Variants in PPP4R1 observed in about 807,000 individuals in gnomAD.
PPP4R1 encodes the protein serine/threonine-protein phosphatase 4 regulatory subunit 1.
Under a neutral mutation model 111.2 loss-of-function variants are expected in PPP4R1, and 42 were observed. The ratio of observed to expected loss-of-function variants is 0.38; its 90% CI spans 0.29 to 0.49. The LOEUF is 0.49. Ranked by LOEUF, PPP4R1 falls within the 20% of genes least tolerant of loss-of-function variation. PPP4R1 has a pLI of 0.97. For synonymous variants in PPP4R1, 409 were observed against 405.5 expected (o/e 1.01, Z -0.10); for missense variants, 1,012 against 1,161.6 (o/e 0.87, Z 1.87).
In PPP4R1 at chr18:9,547,664, C is replaced by T; in HGVS notation, c.*125G>A. On this transcript the variant is annotated 3_prime_UTR_variant, in exon 20 of 20. Coordinates refer to ENST00000400556, the MANE Select transcript of PPP4R1 (RefSeq NM_001042388.3). ...ATTGGGTGTAGGCAACTTGCACCTG[C>T]AATGAAGTCCGCAGGAGAGGAAGGT... 1 of 1,207,582 alleles carries T rather than the reference C, an allele frequency of 8.3e-7. No individual in the cohort carries two copies. The highest frequency in any genetic ancestry group is 2.3e-5 in the East Asian group (1 of 42,592). 74.8% of individuals were successfully genotyped at this position (1,207,582 alleles called of 1,614,324 possible).
At chr18:9,595,180 T>G in intron 2 of PPP4R1, 27 bp from the exon 3 acceptor site, 2 of 1,605,752 alleles carry the variant, frequency 1.2e-6, no homozygotes, top group Non-Finnish European at 1.7e-6. Context: ...AAATACTCCT[T>G]ATAACACTTT....
chr18:9,547,414 T>C lies in PPP4R1; in HGVS notation c.*375A>G, dbSNP rs1453168850. On this transcript the variant is annotated 3_prime_UTR_variant, in exon 20 of 20. Transcript: ENST00000400556. ...GCCTTCAGGCTGTAAGAATTTCATT[T>C]GTCGATTGTTAAATAAAACCAGGAG... The C allele has an allele frequency of 5.5e-6, 1 of 181,152 alleles. No individual in the cohort carries two copies. Among genetic ancestry groups the C allele is most frequent in the Non-Finnish European group, 1.2e-5 (1 of 84,368 alleles). The allele number at this position is 181,152 out of a possible 1,614,324, so 11.2% of individuals were successfully genotyped here. A position where few individuals can be genotyped will look rare whatever the true frequency, so the allele number is the denominator to read the frequency against.
At position 9,577,133 on chromosome 18, in the gene PPP4R1, G is replaced by A. The variant is rs1043088965; in HGVS notation, c.977C>T (p.Ser326Phe). Residue 326 changes from serine to phenylalanine, a missense_variant, in exon 10 of 20, where the codon TCT becomes TTT. Around this residue, in one of 2 missense-constraint regions of PPP4R1, gnomAD observed 707 missense variants for 742.1 expected, o/e 0.95. Coordinates refer to ENST00000400556, the MANE Select transcript of PPP4R1 (RefSeq NM_001042388.3). The part of the protein sequence containing the change: ...GPFISTFANP[S>F]SSGQYFKEES... ...TTCTTTAAAATACTGGCCTGAGCTAGATGGATTAGCAAAAGTAGATATGAA... is the reference window on the plus strand; with the variant it reads ...TTCTTTAAAATACTGGCCTGAGCTAAATGGATTAGCAAAAGTAGATATGAA... 1.2e-6 allele frequency: 2 copies of A among 1,607,928 alleles called. No individual in the cohort carries two copies. Among genetic ancestry groups the A allele is most frequent in the African/African-American group, 1.3e-5 (1 of 74,672 alleles).
At chr18:9,578,262 C>A (rs976301536) in intron 9 of PPP4R1, among the ~76,000 whole-genome samples, 5 of 152,128 alleles carry the variant, frequency 3.3e-5, no homozygotes, top group Admixed American at 3.3e-4. Context: ...TTTGAGACAG[C>A]TCTTGCTCTG....
intron 2 of PPP4R1, among the ~76,000 whole-genome samples, chr18:9,597,985 G>C (rs955028965): frequency 6.6e-6 from 1 of 152,066 alleles, no homozygotes; most frequent in Non-Finnish European, 1.5e-5. Flanking sequence ...AACAGAGATG[G>C]AAGATGATAC....
intron 9 of PPP4R1, among the ~76,000 whole-genome samples, chr18:9,579,646 G>C (rs1407970484): frequency 1.3e-5 from 2 of 152,046 alleles, no homozygotes; most frequent in African/African-American, 4.8e-5. Context: ...ACTACACATT[G>C]AAAACATTGT....
Position 9,614,233 on chromosome 18 carries a change from T to TGCGTCCTCCTGC in PPP4R1, c.33_44dup (p.Gln12_Ala15dup). On this transcript the variant is annotated inframe_insertion, in exon 2 of 20. Coordinates refer to ENST00000400556, the MANE Select transcript of PPP4R1 (RefSeq NM_001042388.3). The surrounding 1 kb of genome is among the most constrained non-coding windows in gnomAD (Gnocchi z 4.1). ...CGAGGCCGGGCCACTCACATCCGTC[T>TGCGTCCTCCTGC]GCGTCCTCCTGCAGGTCCTCCTGAA... The TGCGTCCTCCTGC allele has an allele frequency of 7.3e-7, 1 of 1,361,096 alleles. No individual in the cohort carries two copies. Among genetic ancestry groups the TGCGTCCTCCTGC allele is most frequent in the Non-Finnish European group, 9.6e-7 (1 of 1,043,962 alleles). 84.3% of individuals were successfully genotyped at this position (1,361,096 alleles called of 1,614,324 possible). A position where few individuals can be genotyped will look rare whatever the true frequency, so the allele number is the denominator to read the frequency against.
At chr18:9,611,042 T>C (rs1386234764) in intron 2 of PPP4R1, among the ~76,000 whole-genome samples, 1 of 152,154 alleles carries the variant, frequency 6.6e-6, no homozygotes, top group Non-Finnish European at 1.5e-5. Flanking sequence ...CTGAGACTCT[T>C]AGCAATGTCT....
chr18:9,585,399 T>C (rs1167524525), intron 6 of PPP4R1, among the ~76,000 whole-genome samples: 1 of 152,202 alleles, frequency 6.6e-6, no homozygotes, highest in African/African-American at 2.4e-5. Context: ...TATAGGCATG[T>C]TTCAGTTAAC....
intron 12 of PPP4R1, 26 bp from the exon 13 acceptor site, chr18:9,562,101 A>T (rs761561129): frequency 6.5e-7 from 1 of 1,531,172 alleles, no homozygotes; most frequent in Non-Finnish European, 9.0e-7. Flanking sequence ...AACTACTTAA[A>T]GAGCTGTCCT....
At chr18:9,565,280 C>G (rs758708416) in intron 11 of PPP4R1, among the ~76,000 whole-genome samples, 1 of 152,174 alleles carries the variant, frequency 6.6e-6, no homozygotes, top group Non-Finnish European at 1.5e-5. Flanking sequence ...TGTGTTCTTA[C>G]AGCTCTACCG....
chr18:9,593,386 G>C (rs1181771498), intron 4 of PPP4R1, among the ~76,000 whole-genome samples: 2 of 151,830 alleles, frequency 1.3e-5, no homozygotes, highest in East Asian at 1.9e-4. Context: ...ACATTTTTTT[G>C]CAAGTGAGAA....
chr18:9,571,721 T>C (rs770061809), intron 10 of PPP4R1, among the ~76,000 whole-genome samples: 90 of 152,166 alleles, frequency 5.9e-4, no homozygotes, highest in Middle Eastern at 3.4e-3. Context: ...AAACAGGACA[T>C]GCAAAGGCCG....
Position 9,577,533 on chromosome 18 carries a change from C to T in PPP4R1, c.919-342G>A, listed in dbSNP as rs545053766. 8.1e-4 allele frequency among the ~76,000 whole-genome samples: 124 copies of T among 152,188 alleles called. 1 individual carries two copies. Among genetic ancestry groups the T allele is most frequent in the African/African-American group, 2.9e-3 (122 of 41,530 alleles). ...TACCAAAGTTAGCAGGGCGTGGTGG[C>T]GCATGCCTGTGGTCCCAGCTACTCG... On this transcript the variant is annotated intron_variant, in intron 9 of 19. Coordinates refer to ENST00000400556, the MANE Select transcript of PPP4R1 (RefSeq NM_001042388.3).
At chr18:9,563,118 C>G in intron 12 of PPP4R1, 1 of 1,163,952 alleles carries the variant, frequency 8.6e-7, no homozygotes, top group South Asian at 3.0e-5. Flanking sequence ...TATTTCACTG[C>G]AGTGAGCTAC....
At chr18:9,616,413 G>A (rs1302984976), upstream of PPP4R1, among the ~76,000 whole-genome samples, 1 of 152,148 alleles carries the variant, frequency 6.6e-6, no homozygotes, top group African/African-American at 2.4e-5. Flanking sequence ...TGGAACTAAA[G>A]GCACAGGCCA....
intron 12 of PPP4R1, among the ~76,000 whole-genome samples, chr18:9,562,511 A>G (rs778041531): frequency 4.6e-5 from 7 of 152,218 alleles, no homozygotes; most frequent in Non-Finnish European, 1.0e-4. Flanking sequence ...AGTAACAACA[A>G]CAACAACATA....
At position 9,614,282 on chromosome 18, in the gene PPP4R1, G is replaced by C. The variant is rs1394393717; in HGVS notation, c.8-12C>G. The C allele has an allele frequency of 1.5e-6, 2 of 1,310,370 alleles. No homozygotes were observed. The highest frequency in any genetic ancestry group is 2.0e-5 in the South Asian group (1 of 49,040). The allele number at this position is 1,310,370 out of a possible 1,614,324, so 81.2% of individuals were successfully genotyped here. ...AAGCAGCGAGAGGTCTGCGCCGAGG[G>C]GAGAGAAGAAAGGCCCGGTCAGCGC... On this transcript the variant is annotated splice_polypyrimidine_tract_variant and intron_variant, in intron 1 of 19. Transcript: ENST00000400556. This position sits in a 1 kb window ranked among gnomAD's most constrained non-coding sequence, Gnocchi z 4.1.
chr18:9,570,675 T>A lies in PPP4R1; in HGVS notation c.1055A>T (p.Asp352Val). ...TTGTACATCCTCTGGGGCTTCTTGATCTCTGGTCCTTTTATTGTTTTATTT... is the reference window on the plus strand; with the variant it reads ...TTGTACATCCTCTGGGGCTTCTTGAACTCTGGTCCTTTTATTGTTTTATTT... ...MSVENKNRTR[D>V]QEAPEDVQVR... Residue 352 changes from aspartate (D) to valine (V), a missense_variant, in exon 11 of 20, where the codon GAT becomes GTT. Asp to Val is a radical substitution (Grantham distance 152). Transcript: ENST00000400556. 1 of 1,541,012 alleles carries A rather than the reference T, an allele frequency of 6.5e-7. No homozygotes were observed. The highest frequency in any genetic ancestry group is 8.7e-7 in the Non-Finnish European group (1 of 1,147,556).
Sources: gnomAD v4.1 joint callset for allele counts (sites outside exome capture counted in the v4.1 genomes callset) on GRCh38, gnomAD v4.1.1 for gene constraint, gnomAD v4.1.1 regional missense constraint, Gnocchi (gnomAD v3.1) non-coding constraint, MANE v1.5 for transcripts, NCBI Gene and HGNC (gene_info 2026-07-23, HGNC 2026-07-21) for gene names.